Variants in KIR2DL1 observed in about 807,000 individuals in gnomAD.
KIR2DL1 encodes the protein killer cell immunoglobulin-like receptor 2DL1.
KIR2DL1 carries 38 observed loss-of-function variants against 33.9 expected under a neutral mutation model. The ratio of observed to expected loss-of-function variants is 1.12; its 90% CI spans 0.86 to 1.47. The LOEUF is 1.47. Ranked by LOEUF, KIR2DL1 falls within the 40% of genes most tolerant of loss-of-function variation. The probability of loss-of-function intolerance (pLI) is 0.00; values close to 1 mark genes in which losing one functional copy is unlikely to be tolerated. For synonymous variants in KIR2DL1, 179 were observed against 165.9 expected (o/e 1.08, Z -0.61); for missense variants, 531 against 433.9 (o/e 1.22, Z -1.99).
chr19:54,777,525 A>G (rs1305542257), intron 4 of KIR2DL1, among the ~76,000 whole-genome samples: 19 of 149,840 alleles, frequency 1.3e-4, no homozygotes, highest in Non-Finnish European at 4.5e-5. Context: ...CAATTAAATC[A>G]TTTGTTTTAT....
intron 2 of KIR2DL1, among the ~76,000 whole-genome samples, chr19:54,772,976 A>G (rs1226028990): frequency 6.8e-6 from 1 of 148,120 alleles, no homozygotes; most frequent in Non-Finnish European, 1.5e-5. Context: ...AATTCGTCCA[A>G]AAGAGATTGA....
At chr19:54,772,764 C>A (rs2075889593) in intron 2 of KIR2DL1, among the ~76,000 whole-genome samples, 2 of 144,022 alleles carry the variant, frequency 1.4e-5, no homozygotes, top group Non-Finnish European at 1.5e-5. Flanking sequence ...ACACTGAGAT[C>A]AGCAAGGCTC....
chr19:54,778,477 GA>G (rs1289763855), intron 4 of KIR2DL1, 134 bp from the exon 5 acceptor site: 12 of 921,998 alleles, frequency 1.3e-5, no homozygotes, highest in Middle Eastern at 4.0e-4. Flanking sequence ...AAAAATTATG[GA>G]AAAAAGGATC....
intron 2 of KIR2DL1, 99 bp from the exon 3 acceptor site, chr19:54,773,234 G>C: frequency 7.7e-7 from 1 of 1,303,292 alleles, no homozygotes; most frequent in Non-Finnish European, 1.1e-6. Context: ...AGGAAGGAGA[G>C]AGATAAGACA....
rs561867602 is a variant in KIR2DL1, at chr19:54,782,038, A to G, written c.716-884A>G. The stretch of plus-strand genomic sequence containing the variant: ...GTTCATTACTAACAGATAAGCAGCG[A>G]GTGACAACAGAAACCTATATTTCAA... On this transcript the variant is annotated intron_variant, in intron 5 of 7. Transcript: ENST00000336077. Among the ~76,000 whole-genome samples the G allele has an allele frequency of 3.1e-4, 47 of 152,144 alleles. 2 individuals carry two copies. Among genetic ancestry groups the G allele is most frequent in the African/African-American group, 1.1e-3 (46 of 41,464 alleles).
chr19:54,771,976 A>G lies in KIR2DL1; in HGVS notation c.70+1092A>G, dbSNP rs1369139199. Among the ~76,000 whole-genome samples, 10 of 140,464 alleles carry G rather than the reference A, an allele frequency of 7.1e-5. 2 individuals carry two copies. Among genetic ancestry groups the G allele is most frequent in the Non-Finnish European group, 1.4e-4 (9 of 63,518 alleles). 92.1% of individuals were successfully genotyped at this position (140,464 alleles called of 152,430 possible). A position where few individuals can be genotyped will look rare whatever the true frequency, so the allele number is the denominator to read the frequency against. On this transcript the variant is annotated intron_variant, in intron 2 of 7. Transcript: ENST00000336077. ...TGGTGGGCGTGTCCTTGCGGGTCCC[A>G]TCATGCAAGTCCTGACTGTATTTGG...
intron 7 of KIR2DL1, 24 bp downstream of exon 7, chr19:54,783,562 C>T (rs769487295): frequency 6.2e-6 from 10 of 1,613,896 alleles, no homozygotes; most frequent in Middle Eastern, 3.3e-4. Context: ...GGCCCGGGCT[C>T]GTGGCTACTG....
intron 4 of KIR2DL1, among the ~76,000 whole-genome samples, chr19:54,776,605 G>A (rs1349511560): frequency 1.4e-5 from 2 of 143,322 alleles, no homozygotes; most frequent in African/African-American, 2.6e-5. Flanking sequence ...AAACCCAGTA[G>A]TGAAATTGCT....
chr19:54,782,963 G>C lies in KIR2DL1; in HGVS notation c.757G>C (p.Val253Leu). 5 of 1,613,544 alleles carry C rather than the reference G, an allele frequency of 3.1e-6. No homozygotes were observed. In the South Asian group the frequency reaches 3.3e-5, roughly 11 times the overall value. Reference protein sequence around the residue: ...HLHILIGTSVVIILFILLFFL... With the variant: ...HLHILIGTSVLIILFILLFFL... ...GCACATTCTGATTGGGACCTCAGTG[G>C]TCATCATCCTCTTCATCCTCCTCTT... The change falls in exon 6 of 8, where the codon GTC (valine) becomes CTC (leucine). Residue 253 changes from valine (V) to leucine (L), a missense_variant. Physicochemically the swap from Val to Leu is conservative, Grantham distance 32. Transcript: ENST00000336077.
chr19:54,772,322 G>T (rs1434959541), intron 2 of KIR2DL1, among the ~76,000 whole-genome samples: 2 of 147,672 alleles, frequency 1.4e-5, no homozygotes, highest in South Asian at 4.3e-4. Context: ...AATGCAGGTG[G>T]CCTATAGAGG....
chr19:54,779,357 C>A (rs611012), intron 5 of KIR2DL1, among the ~76,000 whole-genome samples: 1,715 of 109,202 alleles, frequency 0.016, 8 homozygotes, highest in African/African-American at 0.029. Flanking sequence ...ATTCCAGGCA[C>A]GAATCTGCTT....
Position 54,782,939 on chromosome 19 carries a change from C to A in KIR2DL1, c.733C>A (p.His245Asn). Residue 245 changes from histidine to asparagine, a missense_variant, in exon 6 of 8, where the codon CAC (histidine) becomes AAC (asparagine). Physicochemically the swap from His to Asn is moderately conservative, Grantham distance 68 (BLOSUM62 1). Transcript: ENST00000336077. ...SSKTGNPRHL[H>N]ILIGTSVVII... Reference sequence around the variant, plus strand: ...TCTTCCAGGTAACCCCCGACACCTGCACATTCTGATTGGGACCTCAGTGGT... The same window carrying A: ...TCTTCCAGGTAACCCCCGACACCTGAACATTCTGATTGGGACCTCAGTGGT... 1 of 1,613,794 alleles carries A rather than the reference C, an allele frequency of 6.2e-7. No homozygotes were observed.
intron 4 of KIR2DL1, among the ~76,000 whole-genome samples, chr19:54,776,042 C>A (rs1253952256): frequency 6.9e-6 from 1 of 145,794 alleles, no homozygotes; most frequent in South Asian, 2.2e-4. Context: ...CAGGCACGCA[C>A]CACCACGCCA....
intron 3 of KIR2DL1, 84 bp from the exon 4 acceptor site, chr19:54,775,081 A>G (rs2984163): frequency 0.19 from 242,608 of 1,296,502 alleles, 5,720 homozygotes; most frequent in South Asian, 0.28. Context: ...AGGTCATAGA[A>G]CAGGGGAGTG....
intron 4 of KIR2DL1, among the ~76,000 whole-genome samples, chr19:54,776,643 TTTTTTTTC>T (rs2076379210): frequency 2.2e-5 from 3 of 135,442 alleles, no homozygotes; most frequent in African/African-American, 8.3e-5. Context: ...TCTTTTTTTT[TTTTTTTTC>T]TTTTTTGAGA....
At chr19:54,778,376 A>G (rs1451916747) in intron 4 of KIR2DL1, among the ~76,000 whole-genome samples, 3 of 149,012 alleles carry the variant, frequency 2.0e-5, no homozygotes, top group Non-Finnish European at 4.5e-5. Flanking sequence ...TTTGCTTACT[A>G]CAGCTCTGTA....
In KIR2DL1 at chr19:54,775,564, G is replaced by A. The variant is rs1194136316; in HGVS notation, c.664+106G>A. 108 of 1,354,934 alleles carry A rather than the reference G, an allele frequency of 8.0e-5. 4 individuals are homozygous for A. Among genetic ancestry groups the A allele is most frequent in the South Asian group, 7.8e-4 (62 of 79,530 alleles). 83.9% of individuals were successfully genotyped at this position (1,354,934 alleles called of 1,614,324 possible). On this transcript the variant is annotated intron_variant, in intron 4 of 7. Transcript: ENST00000336077. Reference sequence around the variant, plus strand: ...GCATGGACAGATGCAGAGAGAAGACGCAGCCTCGGTGTGAGGGAGGGATCA... The same window carrying A: ...GCATGGACAGATGCAGAGAGAAGACACAGCCTCGGTGTGAGGGAGGGATCA...
chr19:54,772,261 A>G (rs12611328), intron 2 of KIR2DL1, among the ~76,000 whole-genome samples: 29,068 of 142,566 alleles, frequency 0.2, 4,743 homozygotes, highest in Non-Finnish European at 0.29. Context: ...TTACAGCAGC[A>G]TAATGGGAGT....
intron 5 of KIR2DL1, among the ~76,000 whole-genome samples, chr19:54,782,327 G>A (rs930742098): frequency 5.9e-5 from 9 of 151,982 alleles, no homozygotes; most frequent in African/African-American, 9.7e-5. Flanking sequence ...CTTGAGCCTC[G>A]GTAACTTCTA....
Sources: allele counts gnomAD v4.1 joint callset (sites outside exome capture counted in the v4.1 genomes callset), GRCh38; gene constraint gnomAD v4.1.1; transcripts MANE v1.5; gene names NCBI Gene and HGNC (gene_info 2026-07-23, HGNC 2026-07-21).